The following DGKI variants were observed in gnomAD, a reference collection of about 807,000 sequenced individuals.
DGKI encodes the protein DAG kinase iota.
In DGKI, 55 loss-of-function variants were observed where a neutral mutation model predicts 147.5. The observed-to-expected ratio is 0.37, with a 90% CI of 0.30 to 0.47. DGKI has a LOEUF of 0.47. Ranked by LOEUF, DGKI falls within the 20% of genes least tolerant of loss-of-function variation. DGKI has a pLI of 1.00. For synonymous variants in DGKI, 469 were observed against 477.1 expected, an observed-to-expected ratio of 0.98 and a Z score of 0.22; for missense variants, 1,007 against 1,323.8, an observed-to-expected ratio of 0.76 and a Z score of 3.71.
At chr7:137,459,765 A>C (rs1814357458) in intron 27 of DGKI, among the ~76,000 whole-genome samples, 1 of 151,888 alleles carries the variant, frequency 6.6e-6, no homozygotes, top group African/African-American at 2.4e-5. Flanking sequence ...TGAGCCACTG[A>C]GCCCGGCCAA....
At chr7:137,575,507 C>G (rs2128977955) in intron 17 of DGKI, among the ~76,000 whole-genome samples, 1 of 152,332 alleles carries the variant, frequency 6.6e-6, no homozygotes, top group Middle Eastern at 3.4e-3. Context: ...ACCCAGCATG[C>G]ACTGGGTCTC....
chr7:137,736,485 T>G (rs573195899), intron 1 of DGKI, among the ~76,000 whole-genome samples: 1 of 152,124 alleles, frequency 6.6e-6, no homozygotes, highest in South Asian at 2.1e-4. Flanking sequence ...CCTCTTCACG[T>G]TGCTGTGAAG....
intron 27 of DGKI, among the ~76,000 whole-genome samples, chr7:137,457,953 T>C (rs946464896): frequency 3.6e-4 from 55 of 152,258 alleles, no homozygotes; most frequent in African/African-American, 1.3e-3. Context: ...TTATATTTCC[T>C]CTTGTTTCCA....
chr7:137,768,860 T>A (rs1796095496), intron 1 of DGKI, among the ~76,000 whole-genome samples: 1 of 152,182 alleles, frequency 6.6e-6, no homozygotes, highest in Admixed American at 6.5e-5. Context: ...ATGGTCTATA[T>A]GGCGGCTTCA....
chr7:137,517,552 T>C (rs1017281025), intron 21 of DGKI, among the ~76,000 whole-genome samples: 5 of 152,130 alleles, frequency 3.3e-5, no homozygotes, highest in Admixed American at 2.0e-4. Flanking sequence ...GTTTAGTTAA[T>C]AGTAATGTAG....
intron 3 of DGKI, among the ~76,000 whole-genome samples, chr7:137,661,142 C>T (rs1349410202): frequency 6.6e-6 from 1 of 152,162 alleles, no homozygotes; most frequent in East Asian, 1.9e-4. Flanking sequence ...ATAGCTTCTA[C>T]TGCGGTCCTA....
At chr7:137,723,521 G>A (rs1490394323) in intron 1 of DGKI, among the ~76,000 whole-genome samples, 1 of 151,926 alleles carries the variant, frequency 6.6e-6, no homozygotes, top group African/African-American at 2.4e-5. Context: ...CTGGATGGTG[G>A]GCATAAAACA....
At chr7:137,635,159 T>C (rs558802411) in intron 6 of DGKI, among the ~76,000 whole-genome samples, 2 of 152,306 alleles carry the variant, frequency 1.3e-5, no homozygotes, top group African/African-American at 4.8e-5. Context: ...AGCCATCCCA[T>C]TGATGGATGG....
In DGKI at chr7:137,678,608, G is replaced by C; in HGVS notation, c.555C>G (p.Val185=). Residue 185 remains valine, a synonymous_variant, in exon 3 of 33, where the codon GTC becomes GTG. Transcript: ENST00000614521. ...NGEHLWLETN[V]SGDLCYLGEE... ...CTCCAAGGTAGCAGAGGTCTCCCGAGACGTTGGTCTCCAGCCACAGGTGTT... is the reference window on the plus strand; with the variant it reads ...CTCCAAGGTAGCAGAGGTCTCCCGACACGTTGGTCTCCAGCCACAGGTGTT... 1 of 1,614,144 alleles carries C rather than the reference G, an allele frequency of 6.2e-7. No individual in the cohort carries two copies. The highest frequency in any genetic ancestry group is 1.3e-5 in the African/African-American group (1 of 75,048).
rs568223227 is a variant in DGKI at position 137,569,489 on chromosome 7, G to A, written c.1947+1686C>T. Reference sequence around the variant, plus strand: ...CACGCCTGTAATCCCAGCACTTTGGGAGGCTGAGGTGGGTGGACCACGAGG... The same window carrying A: ...CACGCCTGTAATCCCAGCACTTTGGAAGGCTGAGGTGGGTGGACCACGAGG... On this transcript the variant is annotated intron_variant, in intron 19 of 32. Coordinates refer to ENST00000614521, the MANE Select transcript of DGKI (RefSeq NM_001321708.2). Among the ~76,000 whole-genome samples, 26 of 152,084 alleles carry A rather than the reference G, an allele frequency of 1.7e-4. No homozygotes were observed. The South Asian group carries it at 5.2e-3, about 30-fold the overall frequency.
intron 19 of DGKI, among the ~76,000 whole-genome samples, chr7:137,564,405 T>C (rs1818514133): frequency 6.6e-6 from 1 of 152,018 alleles, no homozygotes; most frequent in South Asian, 2.1e-4. Context: ...AACATGCTCA[T>C]CAAAACAAAC....
intron 6 of DGKI, among the ~76,000 whole-genome samples, chr7:137,634,957 C>A (rs566866628): frequency 3.5e-4 from 54 of 152,124 alleles, no homozygotes; most frequent in Non-Finnish European, 5.6e-4. Flanking sequence ...GATGCACAGG[C>A]AGTGATAAAT....
intron 6 of DGKI, among the ~76,000 whole-genome samples, chr7:137,626,740 T>C (rs1820957415): frequency 6.6e-6 from 1 of 152,144 alleles, no homozygotes; most frequent in Non-Finnish European, 1.5e-5. Flanking sequence ...TCCAGTCCGG[T>C]ATCACGCTCT....
At chr7:137,829,500 C>T (rs1276777368) in intron 1 of DGKI, among the ~76,000 whole-genome samples, 2 of 152,178 alleles carry the variant, frequency 1.3e-5, no homozygotes, top group Non-Finnish European at 2.9e-5. Context: ...TAGAACTTTC[C>T]ACAATGATGA....
intron 13 of DGKI, among the ~76,000 whole-genome samples, chr7:137,586,440 A>C (rs970542296): frequency 2.0e-4 from 30 of 152,236 alleles, no homozygotes; most frequent in Admixed American, 1.2e-3. Flanking sequence ...AAAGAAAAAA[A>C]AAAAGTTGGT....
intron 1 of DGKI, among the ~76,000 whole-genome samples, chr7:137,794,378 G>A (rs1796960837): frequency 6.6e-6 from 1 of 152,190 alleles, no homozygotes. Flanking sequence ...TATTCTCCAA[G>A]ACTTTAGGAG....
intron 1 of DGKI, among the ~76,000 whole-genome samples, chr7:137,779,776 G>T (rs894321825): frequency 6.6e-6 from 1 of 152,160 alleles, no homozygotes; most frequent in Admixed American, 6.5e-5. Flanking sequence ...TTATAATAGA[G>T]TGGGGAGTGG....
At chr7:137,685,052 C>T (rs547184792) in intron 2 of DGKI, among the ~76,000 whole-genome samples, 3 of 152,190 alleles carry the variant, frequency 2.0e-5, no homozygotes, top group Non-Finnish European at 4.4e-5. Context: ...CACATGAAGA[C>T]TCTGGTTCCT....
intron 1 of DGKI, among the ~76,000 whole-genome samples, chr7:137,844,794 G>T (rs1454065163): frequency 6.6e-6 from 1 of 152,162 alleles, no homozygotes; most frequent in East Asian, 1.9e-4. Context: ...AAGCTGAAAT[G>T]ATTTCCCTTG....
Sources: gnomAD v4.1 joint callset for allele counts (sites outside exome capture counted in the v4.1 genomes callset) on GRCh38, gnomAD v4.1.1 for gene constraint, MANE v1.5 for transcripts, NCBI Gene and HGNC (gene_info 2026-07-23, HGNC 2026-07-21) for gene names.